Variants in USH2A observed in about 807,000 individuals in gnomAD.
The protein encoded by USH2A is Usher syndrome 2A (autosomal recessive, mild).
In USH2A, 443 loss-of-function variants were observed where a neutral mutation model predicts 538.9. That is an observed-to-expected ratio of 0.82 (90% CI 0.76 to 0.89). USH2A has a LOEUF of 0.89. USH2A is among the 40% of genes least tolerant of loss of function. The pLI is 0.00. For missense variants in USH2A, 6,633 were observed against 6,324.8 expected (o/e 1.05, Z -1.65); for synonymous variants, 2,413 against 2,273.5 (o/e 1.06, Z -1.75).
intron 11 of USH2A, among the ~76,000 whole-genome samples, chr1:216,267,402 G>A (rs1391136410): frequency 6.6e-6 from 1 of 152,112 alleles, no homozygotes; most frequent in East Asian, 1.9e-4. Flanking sequence ...GCCTAGACAA[G>A]TCTTTTAAGG....
intron 46 of USH2A, 53 bp from the exon 47 acceptor site, chr1:215,838,156 TAACAA>T (rs1663583198): frequency 9.4e-6 from 13 of 1,386,372 alleles, no homozygotes; most frequent in Non-Finnish European, 1.2e-5. Context: ...AAATACTTAC[TAACAA>T]TAGTCTGAAT....
intron 38 of USH2A, among the ~76,000 whole-genome samples, chr1:215,929,931 G>T (rs375346452): frequency 7.2e-5 from 11 of 152,000 alleles, no homozygotes; most frequent in African/African-American, 2.4e-4. Flanking sequence ...TAAGTGGAGA[G>T]GGGGTTCAGG....
At chr1:215,744,428 G>T (rs1234834258) in intron 58 of USH2A, among the ~76,000 whole-genome samples, 3 of 152,168 alleles carry the variant, frequency 2.0e-5, no homozygotes, top group Non-Finnish European at 4.4e-5. Context: ...TCAAGGAGAG[G>T]ATATGAGTTT....
At chr1:215,866,490 A>C (rs781053525) in intron 44 of USH2A, among the ~76,000 whole-genome samples, 7 of 152,218 alleles carry the variant, frequency 4.6e-5, no homozygotes, top group Admixed American at 2.0e-4. Context: ...AATTCTGCCC[A>C]TAGCCAGTCT....
At chr1:215,734,813 A>T (rs1558074963) in intron 60 of USH2A, among the ~76,000 whole-genome samples, 1 of 152,196 alleles carries the variant, frequency 6.6e-6, no homozygotes, top group Non-Finnish European at 1.5e-5. Flanking sequence ...AATTATTTGC[A>T]TCTCCAACTT....
chr1:216,153,774 G>C (rs890407808), intron 21 of USH2A, among the ~76,000 whole-genome samples: 4 of 152,134 alleles, frequency 2.6e-5, no homozygotes, highest in African/African-American at 4.8e-5. Flanking sequence ...GGCTTTAACA[G>C]CTCTGTAAAT....
At chr1:216,320,174 T>C (rs1225949825) in intron 9 of USH2A, among the ~76,000 whole-genome samples, 1 of 152,078 alleles carries the variant, frequency 6.6e-6, no homozygotes, top group Non-Finnish European at 1.5e-5. Context: ...GGTGGATCCT[T>C]CATGAAGTGC....
chr1:215,732,557 T>C (rs1270298269), intron 60 of USH2A, among the ~76,000 whole-genome samples: 1 of 129,200 alleles, frequency 7.7e-6, no homozygotes, highest in Non-Finnish European at 1.6e-5. Context: ...TTTTTTTTTT[T>C]TTTTTTTTTT....
At chr1:216,113,688 C>CT (rs1275593452) in intron 21 of USH2A, among the ~76,000 whole-genome samples, 1 of 151,676 alleles carries the variant, frequency 6.6e-6, no homozygotes, top group Non-Finnish European at 1.5e-5. Context: ...AAGTCATTTA[C>CT]TTTTTTTTAA....
intron 3 of USH2A, among the ~76,000 whole-genome samples, chr1:216,386,045 A>G (rs1321307116): frequency 1.3e-5 from 2 of 152,134 alleles, no homozygotes; most frequent in African/African-American, 4.8e-5. Context: ...TATCTCTTTC[A>G]CTAAATTCCT....
intron 41 of USH2A, among the ~76,000 whole-genome samples, chr1:215,886,948 C>T (rs1048127682): frequency 1.3e-5 from 2 of 152,064 alleles, no homozygotes; most frequent in Non-Finnish European, 2.9e-5. Flanking sequence ...AGCTCCGCCT[C>T]CCAGGTTCAC....
intron 61 of USH2A, among the ~76,000 whole-genome samples, chr1:215,688,521 C>G (rs146484068): frequency 3.5e-4 from 53 of 152,188 alleles, no homozygotes; most frequent in African/African-American, 1.2e-3. Context: ...TAGCAAAGAA[C>G]CATGGACTGA....
At chr1:216,283,478 C>T (rs751468751) in intron 11 of USH2A, among the ~76,000 whole-genome samples, 1 of 152,168 alleles carries the variant, frequency 6.6e-6, no homozygotes, top group Non-Finnish European at 1.5e-5. Context: ...AATAACTTCT[C>T]TTTTTCCAGT....
chr1:216,198,241 T>C (rs2034895967), intron 18 of USH2A, 74 bp downstream of exon 18: 2 of 1,605,362 alleles, frequency 1.2e-6, no homozygotes, highest in South Asian at 2.2e-5. Context: ...ACTTTCACAG[T>C]ACTTTGACTT....
intron 25 of USH2A, among the ~76,000 whole-genome samples, chr1:216,083,914 A>T (rs1358711618): frequency 1.3e-5 from 2 of 152,180 alleles, no homozygotes; most frequent in Non-Finnish European, 2.9e-5. Flanking sequence ...GAAACTCAGA[A>T]TGACCTTGAT....
intron 15 of USH2A, among the ~76,000 whole-genome samples, chr1:216,216,713 G>A (rs969092184): frequency 2.0e-5 from 3 of 151,952 alleles, no homozygotes; most frequent in Non-Finnish European, 4.4e-5. Flanking sequence ...GACCTTGTGA[G>A]GTCAATTCAA....
chr1:216,223,385 T>G (rs1331595041), intron 14 of USH2A, among the ~76,000 whole-genome samples: 2 of 152,174 alleles, frequency 1.3e-5, no homozygotes, highest in Admixed American at 1.3e-4. Context: ...CATAGGAGAT[T>G]GCAAAAATCA....
At position 215,623,833 on chromosome 1, in the gene USH2A, G is replaced by T. The variant is rs1000325844; in HGVS notation, c.*1948C>A. 57 of 152,014 alleles carry T rather than the reference G, an allele frequency of 3.7e-4. No individual in the cohort carries two copies. The highest frequency in any genetic ancestry group is 1.6e-4 in the Non-Finnish European group (11 of 68,004). The allele number at this position is 152,014 out of a possible 1,614,324, so 9.4% of individuals were successfully genotyped here. ...TACCTGGTTAATTTTTCAAAAATCA[G>T]GATAAACTCAATCTTCTGAACCTAG... On this transcript the variant is annotated 3_prime_UTR_variant, in exon 72 of 72. Coordinates refer to ENST00000307340, the MANE Select transcript of USH2A (RefSeq NM_206933.4).
At position 215,695,686 on chromosome 1, in the gene USH2A, TA is replaced by T. The variant is rs534732618; in HGVS notation, c.12067-15311del. ...GCTGACCTCTGAGCAATGCAAGGGTTAGGGGATCCAATGTCCTACACAGGCA... is the reference window on the plus strand; with the variant it reads ...GCTGACCTCTGAGCAATGCAAGGGTTGGGGATCCAATGTCCTACACAGGCA... On this transcript the variant is annotated intron_variant, in intron 61 of 71. Coordinates refer to ENST00000307340, the MANE Select transcript of USH2A (RefSeq NM_206933.4). Among the ~76,000 whole-genome samples the T allele has an allele frequency of 7.4e-3, 1,123 of 152,272 alleles. 10 individuals carry two copies. Among genetic ancestry groups the T allele is most frequent in the Middle Eastern group, 0.024 (7 of 294 alleles).
Sources: allele counts gnomAD v4.1 joint callset (sites outside exome capture counted in the v4.1 genomes callset), GRCh38; gene constraint gnomAD v4.1.1; transcripts MANE v1.5; gene names NCBI Gene and HGNC (gene_info 2026-07-23, HGNC 2026-07-21).